Variants in KDM2A observed in about 807,000 individuals in gnomAD.
KDM2A encodes the protein lysine-specific demethylase 2A.
KDM2A carries 3 observed loss-of-function variants against 137.3 expected under a neutral mutation model. The ratio of observed to expected loss-of-function variants is 0.02; its 90% CI spans 0.01 to 0.06. The LOEUF is 0.06. Among genes scored for constraint, KDM2A ranks in the 10% least tolerant of loss-of-function variants. The probability of loss-of-function intolerance (pLI) is 1.00; values close to 1 mark genes in which losing one functional copy is unlikely to be tolerated. For synonymous variants in KDM2A, 512 were observed against 541.5 expected (o/e 0.95, Z 0.76); for missense variants, 738 against 1,510.6 (o/e 0.49, Z 8.48).
intron 5 of KDM2A, among the ~76,000 whole-genome samples, chr11:67,205,751 G>A (rs142409922): frequency 2.0e-4 from 31 of 152,060 alleles, no homozygotes; most frequent in African/African-American, 7.5e-4. Flanking sequence ...CAGAGTGATG[G>A]GATTATAGAT....
intron 12 of KDM2A, chr11:67,240,010 G>A (rs1463989914): frequency 1.3e-5 from 17 of 1,270,438 alleles, no homozygotes; most frequent in African/African-American, 1.5e-5. Context: ...TGCCTGGCTC[G>A]CTCACTCTCG....
In KDM2A at chr11:67,168,490, TAC is replaced by T. The variant is rs368030760; in HGVS notation, c.43-11587_43-11586del. 2.1e-3 allele frequency among the ~76,000 whole-genome samples: 322 copies of T among 152,056 alleles called. 2 individuals carry two copies. Among genetic ancestry groups the T allele is most frequent in the African/African-American group, 7.3e-3 (301 of 41,448 alleles). The stretch of plus-strand genomic sequence containing the variant: ...CTAGGACTACATTTTAATTTTTGTA[TAC>T]AGAGTGTCTGGCTATTTTTTCTATA... On this transcript the variant is annotated intron_variant, in intron 2 of 20. Transcript: ENST00000529006.
intron 2 of KDM2A, among the ~76,000 whole-genome samples, chr11:67,152,315 C>T (rs1172135151): frequency 6.7e-6 from 1 of 149,556 alleles, no homozygotes; most frequent in African/African-American, 2.5e-5. Context: ...CCTGTCTCAA[C>T]AAAAAATTAA....
At chr11:67,124,924 C>T (rs1213679785) in intron 2 of KDM2A, among the ~76,000 whole-genome samples, 1 of 149,852 alleles carries the variant, frequency 6.7e-6, no homozygotes, top group Non-Finnish European at 1.5e-5. Context: ...GTGGCTCGAT[C>T]TTGGCTCACT....
rs763462613 is a variant in KDM2A at position 67,250,344 on chromosome 11, A to G, written c.2314A>G (p.Met772Val). ...LLRLQATERT[M>V]VREKENNPSG... ...GCGGCTGCAGGCCACAGAGCGCACC[A>G]TGGTACGGGAAAAGGAGAACAATCC... The change falls in exon 17 of 21, where the codon ATG becomes GTG. Residue 772 changes from methionine to valine, a missense_variant. Transcript: ENST00000529006. This position sits in a 1 kb window ranked among gnomAD's most constrained non-coding sequence, Gnocchi z 7.1. 7.4e-6 allele frequency: 12 copies of G among 1,613,856 alleles called. No homozygotes were observed. The highest frequency in any genetic ancestry group is 2.2e-5 in the South Asian group (2 of 91,094).
intron 10 of KDM2A, among the ~76,000 whole-genome samples, chr11:67,227,389 C>T (rs544912965): frequency 4.8e-4 from 73 of 151,986 alleles, no homozygotes; most frequent in Admixed American, 2.0e-3. Flanking sequence ...GTTCCATGGC[C>T]TTCTGATTCA....
At chr11:67,240,183 G>A in intron 12 of KDM2A, 1 of 1,522,100 alleles carries the variant, frequency 6.6e-7, no homozygotes, top group Non-Finnish European at 8.8e-7. Flanking sequence ...TAGTCTGAAG[G>A]GTCAGAGCTG....
intron 2 of KDM2A, among the ~76,000 whole-genome samples, chr11:67,168,606 C>CAGTCTTGTATGAATTATAAT (rs1856805417): frequency 2.0e-5 from 2 of 100,202 alleles, no homozygotes; most frequent in African/African-American, 1.7e-4. Flanking sequence ...CACACACACA[C>CAGTCTTGTATGAATTATAAT]ACACACACAC....
Position 67,254,587 on chromosome 11 carries a change from G to C in KDM2A, c.3307+169G>C. On this transcript the variant is annotated intron_variant, in intron 20 of 20. Coordinates refer to ENST00000529006, the MANE Select transcript of KDM2A (RefSeq NM_012308.3). This position sits in a 1 kb window ranked among gnomAD's most constrained non-coding sequence, Gnocchi z 4.7. ...TTCTATCCCTTTTTTAACTGATGGG[G>C]GACTGAGGCCTTGAGTAGTTAAGTC... 1.5e-6 allele frequency: 1 copy of C among 675,994 alleles called. No homozygotes were observed. 41.9% of individuals were successfully genotyped at this position (675,994 alleles called of 1,614,324 possible). A position where few individuals can be genotyped will look rare whatever the true frequency, so the allele number is the denominator to read the frequency against.
intron 2 of KDM2A, among the ~76,000 whole-genome samples, chr11:67,129,733 C>CAAAAAAA (rs200961023): frequency 1.8e-5 from 1 of 56,484 alleles, no homozygotes; most frequent in Admixed American, 2.1e-4. Context: ...GACTCCATCT[C>CAAAAAAA]AAAAAAAAAA....
intron 3 of KDM2A, 83 bp downstream of exon 3, chr11:67,180,300 C>A: frequency 7.1e-7 from 1 of 1,398,678 alleles, no homozygotes; most frequent in Non-Finnish European, 9.7e-7. Flanking sequence ...AGCCTTTATC[C>A]AGCTAAAATA....
chr11:67,156,202 C>G (rs1460048843), intron 2 of KDM2A, among the ~76,000 whole-genome samples: 1 of 149,420 alleles, frequency 6.7e-6, no homozygotes, highest in Non-Finnish European at 1.5e-5. Context: ...GAGCTGAGAT[C>G]ATGCCATTGC....
chr11:67,211,048 C>T (rs901087958), intron 6 of KDM2A, among the ~76,000 whole-genome samples: 2 of 152,036 alleles, frequency 1.3e-5, no homozygotes, highest in Non-Finnish European at 2.9e-5. Flanking sequence ...CAGAATGAGA[C>T]CCTATTTCAA....
At chr11:67,178,436 C>A (rs1403151693) in intron 2 of KDM2A, among the ~76,000 whole-genome samples, 2 of 152,172 alleles carry the variant, frequency 1.3e-5, no homozygotes, top group African/African-American at 4.8e-5. Context: ...AGTGTACAAT[C>A]CAGTGGTTTT....
Position 67,250,259 on chromosome 11 carries a change from T to C in KDM2A, c.2229T>C (p.Ala743=). ...TGGTGACTCGGTCATCCCCTGGGGC[T>C]GGCCCCAGCGACCACCACAGTGCCA... is the stretch of plus-strand genomic sequence containing the variant. ...RGMVTRSSPG[A]GPSDHHSASR... The change falls in exon 17 of 21, where the codon GCT becomes GCC. Residue 743 remains alanine, a synonymous_variant. Transcript: ENST00000529006. This position sits in a 1 kb window ranked among gnomAD's most constrained non-coding sequence, Gnocchi z 7.1. 1 of 1,613,792 alleles carries C rather than the reference T, an allele frequency of 6.2e-7. No homozygotes were observed. Among genetic ancestry groups the C allele is most frequent in the Non-Finnish European group, 8.5e-7 (1 of 1,179,838 alleles).
At chr11:67,170,081 A>G (rs1434449241) in intron 2 of KDM2A, among the ~76,000 whole-genome samples, 1 of 152,082 alleles carries the variant, frequency 6.6e-6, no homozygotes, top group African/African-American at 2.4e-5. Context: ...TTAGAGGTCT[A>G]TAATAAATTA....
chr11:67,175,743 A>C (rs1425263503), intron 2 of KDM2A, among the ~76,000 whole-genome samples: 1 of 152,190 alleles, frequency 6.6e-6, no homozygotes, highest in Admixed American at 6.5e-5. Context: ...AGACCTAATA[A>C]AAAGGTTGAG....
rs774495089 is a variant in KDM2A at position 67,255,795 on chromosome 11, G to A, written c.*740G>A. ...AGAGGAGCTGGAACTGTCTACCCCA[G>A]GGACACACCCATTTCGTTGCTACCC... On this transcript the variant is annotated 3_prime_UTR_variant, in exon 21 of 21. Transcript: ENST00000529006. 1.3e-5 allele frequency: 4 copies of A among 304,686 alleles called. No homozygotes were observed. The highest frequency in any genetic ancestry group is 4.3e-5 in the Admixed American group (1 of 23,136). 18.9% of individuals were successfully genotyped at this position (304,686 alleles called of 1,614,324 possible).
At chr11:67,136,363 C>T (rs1332679192) in intron 2 of KDM2A, among the ~76,000 whole-genome samples, 2 of 152,182 alleles carry the variant, frequency 1.3e-5, no homozygotes, top group Non-Finnish European at 2.9e-5. Flanking sequence ...ACTGCCTCTT[C>T]ATCAACTTTG....
Sources: gnomAD v4.1 joint callset for allele counts (sites outside exome capture counted in the v4.1 genomes callset) on GRCh38, gnomAD v4.1.1 for gene constraint, Gnocchi (gnomAD v3.1) non-coding constraint, MANE v1.5 for transcripts, NCBI Gene and HGNC (gene_info 2026-07-23, HGNC 2026-07-21) for gene names.